The following CEP192 variants were observed in gnomAD, a reference collection of about 807,000 sequenced individuals.
CEP192 encodes centrosomal protein of 192 kDa.
A neutral mutation model predicts 271.8 loss-of-function variants in CEP192; 151 were observed. That is an observed-to-expected ratio of 0.56 (90% CI 0.49 to 0.64). The LOEUF is 0.64. CEP192 is among the 30% of genes least tolerant of loss of function. The probability of loss-of-function intolerance (pLI) is 0.00; values close to 1 mark genes in which losing one functional copy is unlikely to be tolerated. For synonymous variants in CEP192, 995 were observed against 1,076.5 expected, an observed-to-expected ratio of 0.92 and a Z score of 1.48; for missense variants, 2,910 against 3,020.5, an observed-to-expected ratio of 0.96 and a Z score of 0.86.
chr18:13,057,527 C>T (rs2037177296), intron 19 of CEP192, 58 bp from the exon 20 acceptor site: 57 of 1,582,334 alleles, frequency 3.6e-5, no homozygotes, highest in Non-Finnish European at 4.6e-5. Flanking sequence ...ACAGATTTGG[C>T]TTATAATCAG....
chr18:13,056,821 TA>T, intron 19 of CEP192, 123 bp downstream of exon 19: 1 of 839,794 alleles, frequency 1.2e-6, no homozygotes, highest in Non-Finnish European at 1.9e-6. Context: ...TGCTTCTTCC[TA>T]AACTGAGAAC....
At chr18:13,086,953 G>A in intron 30 of CEP192, 64 bp from the exon 31 acceptor site, 1 of 1,149,368 alleles carries the variant, frequency 8.7e-7, no homozygotes, top group South Asian at 1.4e-5. Context: ...TCTTCTCACT[G>A]TAATTCAGTG....
chr18:13,041,269 G>T (rs943928988), intron 14 of CEP192, among the ~76,000 whole-genome samples: 2 of 152,130 alleles, frequency 1.3e-5, no homozygotes, highest in African/African-American at 4.8e-5. Context: ...TATTTAGGAT[G>T]ACTTTTAAAG....
At chr18:13,078,332 T>C (rs902273209) in intron 30 of CEP192, among the ~76,000 whole-genome samples, 2 of 152,192 alleles carry the variant, frequency 1.3e-5, no homozygotes, top group Admixed American at 6.5e-5. Flanking sequence ...CAGTCTATCA[T>C]TGATGGGCAT....
intron 7 of CEP192, 67 bp downstream of exon 7, chr18:13,017,403 T>C: frequency 8.1e-7 from 1 of 1,235,412 alleles, no homozygotes; most frequent in Non-Finnish European, 1.1e-6. Context: ...TCTCCTTGGA[T>C]GTTCACATGA....
intron 9 of CEP192, among the ~76,000 whole-genome samples, chr18:13,028,644 C>T (rs566179337): frequency 4.6e-5 from 7 of 152,128 alleles, no homozygotes; most frequent in African/African-American, 1.2e-4. Flanking sequence ...CTCAGCCTCC[C>T]GAGTAGCTGG....
chr18:13,065,159 AT>A (rs1275277775), intron 21 of CEP192, among the ~76,000 whole-genome samples: 1 of 149,098 alleles, frequency 6.7e-6, no homozygotes, highest in Non-Finnish European at 1.5e-5. Context: ...AAGTTTTTTA[AT>A]CAGTTCTAAT....
chr18:13,008,590 A>T lies in CEP192; in HGVS notation c.425A>T (p.Gln142Leu), dbSNP rs780029674. 14 of 1,551,712 alleles carry T rather than the reference A, an allele frequency of 9.0e-6. No individual in the cohort carries two copies. Among genetic ancestry groups the T allele is most frequent in the Non-Finnish European group, 1.2e-5 (14 of 1,146,966 alleles). Residue 142 changes from glutamine to leucine, a missense_variant, in exon 4 of 45, where the codon CAA becomes CTA. Coordinates refer to ENST00000506447, the MANE Select transcript of CEP192 (RefSeq NM_032142.4). ...GGAGCTACAGAATCCTTGCAGGGCC[A>T]AGATCTCTTCAACAGGGCTTCACCA... ...PAGATESLQG[Q>L]DLFNRASPLE...
chr18:13,121,872 T>G (rs998869375), intron 44 of CEP192, among the ~76,000 whole-genome samples: 1 of 152,246 alleles, frequency 6.6e-6, no homozygotes, highest in Non-Finnish European at 1.5e-5. Context: ...ATCATTGAGC[T>G]GCAGTGACTT....
In CEP192 at chr18:13,055,669, A is replaced by G. The variant is rs757869090; in HGVS notation, c.3190-111A>G. The G allele has an allele frequency of 2.7e-5, 19 of 709,302 alleles. No homozygotes were observed. The Middle Eastern group carries it at 2.5e-3, about 95-fold the overall frequency. 43.9% of individuals were successfully genotyped at this position (709,302 alleles called of 1,614,324 possible). ...TTTTGTGTAAACCAATTTTTTTTCAAAGAGACACCTCATGCACATCTCTTT... is the reference window on the plus strand; with the variant it reads ...TTTTGTGTAAACCAATTTTTTTTCAGAGAGACACCTCATGCACATCTCTTT... On this transcript the variant is annotated intron_variant, in intron 18 of 44. Transcript: ENST00000506447.
chr18:13,009,014 G>GTTTTTTTTTTTTTTT (rs10586819), intron 4 of CEP192, among the ~76,000 whole-genome samples: 1 of 120,432 alleles, frequency 8.3e-6, no homozygotes, highest in African/African-American at 3.4e-5. Context: ...TGGCCTTTTT[G>GTTTTTTTTTTTTTTT]TTTTTTTTTT....
At chr18:13,036,324 C>T (rs1022600446) in intron 11 of CEP192, among the ~76,000 whole-genome samples, 5 of 152,144 alleles carry the variant, frequency 3.3e-5, no homozygotes, top group African/African-American at 1.2e-4. Context: ...ATGTGGGACA[C>T]AGTCTAGGGT....
chr18:13,047,775 T>C (rs1342382008), intron 15 of CEP192, among the ~76,000 whole-genome samples: 1 of 152,206 alleles, frequency 6.6e-6, no homozygotes, highest in Non-Finnish European at 1.5e-5. Flanking sequence ...ATGGTTCCTA[T>C]TTATGTCTTT....
intron 38 of CEP192, among the ~76,000 whole-genome samples, chr18:13,101,416 C>T (rs1389718064): frequency 1.3e-5 from 2 of 152,100 alleles, no homozygotes; most frequent in Non-Finnish European, 2.9e-5. Context: ...GAGGAGCATT[C>T]GTGTTCAGTA....
At chr18:12,992,755 T>C (rs1186324130) in intron 1 of CEP192, among the ~76,000 whole-genome samples, 3 of 152,232 alleles carry the variant, frequency 2.0e-5, no homozygotes, top group African/African-American at 7.2e-5. Flanking sequence ...TTAGCAAAGC[T>C]CTGTTGAAGC....
In CEP192 at chr18:13,029,712, T is replaced by C. The variant is rs1291360736; in HGVS notation, c.1100T>C (p.Val367Ala). 6.4e-7 allele frequency: 1 copy of C among 1,551,104 alleles called. No homozygotes were observed. The highest frequency in any genetic ancestry group is 1.2e-5 in the South Asian group (1 of 83,970). The change falls in exon 10 of 45, where the codon GTG becomes GCG. Residue 367 changes from valine to alanine, a missense_variant. Physicochemically the swap from Val to Ala is moderately conservative, Grantham distance 64. Coordinates refer to ENST00000506447, the MANE Select transcript of CEP192 (RefSeq NM_032142.4). ...VLVKTLRAID[V>A]KLNSDNFHDA... ...GTGAAGACCCTCAGGGCTATTGATG[T>C]GAAACTTAACTCTGATAATTTTCAT... is the stretch of plus-strand genomic sequence containing the variant.
intron 6 of CEP192, among the ~76,000 whole-genome samples, chr18:13,016,088 C>G (rs952061751): frequency 6.6e-6 from 1 of 152,278 alleles, no homozygotes; most frequent in South Asian, 2.1e-4. Flanking sequence ...ACACCTTAGT[C>G]AGGTGCAGAG....
chr18:13,105,103 T>C, intron 40 of CEP192, 24 bp downstream of exon 40: 1 of 1,518,670 alleles, frequency 6.6e-7, no homozygotes, highest in Non-Finnish European at 9.1e-7. Flanking sequence ...TTTTTTTCCA[T>C]AGGAACATCA....
intron 42 of CEP192, 77 bp from the exon 43 acceptor site, chr18:13,116,300 A>G (rs2040423552): frequency 2.2e-6 from 3 of 1,356,890 alleles, no homozygotes; most frequent in African/African-American, 1.5e-5. Context: ...GCAATACTAC[A>G]TAATTTTAAT....
Sources: allele counts gnomAD v4.1 joint callset (sites outside exome capture counted in the v4.1 genomes callset), GRCh38; gene constraint gnomAD v4.1.1; transcripts MANE v1.5; gene names NCBI Gene and HGNC (gene_info 2026-07-23, HGNC 2026-07-21).